The following SORT1 variants were observed in gnomAD, a reference collection of about 807,000 sequenced individuals.
SORT1 encodes sortilin 1, also known as sortilin.
Under a neutral mutation model 101.7 loss-of-function variants are expected in SORT1, and 39 were observed. The observed-to-expected ratio is 0.38, with a 90% CI of 0.30 to 0.50. The LOEUF (loss-of-function observed/expected upper bound fraction) is 0.50, where lower values mean the gene tolerates loss of function less well. Ranked by LOEUF, SORT1 falls within the 20% of genes least tolerant of loss-of-function variation. SORT1 has a pLI of 0.90. For missense variants in SORT1, 878 were observed against 1,040.4 expected (o/e 0.84, Z 2.15); for synonymous variants, 396 against 393.7 (o/e 1.01, Z -0.07).
chr1:109,379,792 G>C (rs936008827), intron 1 of SORT1, among the ~76,000 whole-genome samples: 13 of 152,108 alleles, frequency 8.5e-5, no homozygotes, highest in Non-Finnish European at 1.9e-4. Flanking sequence ...AACAGATCCA[G>C]GAATGGATGA....
chr1:109,386,585 G>A (rs1419635213), intron 1 of SORT1, among the ~76,000 whole-genome samples: 3 of 152,272 alleles, frequency 2.0e-5, no homozygotes, highest in East Asian at 3.9e-4. Flanking sequence ...AGGTGTGGTG[G>A]CTCACACCTA....
chr1:109,357,348 T>C (rs1650390500), intron 3 of SORT1, among the ~76,000 whole-genome samples: 1 of 152,232 alleles, frequency 6.6e-6, no homozygotes, highest in Non-Finnish European at 1.5e-5. Context: ...ATGTAAATGA[T>C]GTTACAGGTT....
intron 15 of SORT1, among the ~76,000 whole-genome samples, chr1:109,319,043 A>G (rs540167796): frequency 2.1e-4 from 32 of 152,238 alleles, no homozygotes; most frequent in African/African-American, 7.7e-4. Flanking sequence ...CTCCCGAAGT[A>G]TTGGGATTAC....
intron 3 of SORT1, among the ~76,000 whole-genome samples, chr1:109,363,644 T>C (rs1650889220): frequency 6.6e-6 from 1 of 152,216 alleles, no homozygotes; most frequent in African/African-American, 2.4e-5. Context: ...CATGCTGTAA[T>C]ACACAGAGCA....
Position 109,355,643 on chromosome 1 carries a change from C to CCCCG in SORT1, c.441-175_441-174insCGGG, listed in dbSNP as rs1436144494. 3.4e-5 allele frequency among the ~76,000 whole-genome samples: 2 copies of CCCCG among 58,242 alleles called. 1 individual carries two copies. Among genetic ancestry groups the CCCCG allele is most frequent in the Non-Finnish European group, 7.2e-5 (2 of 27,710 alleles). The allele number at this position is 58,242 out of a possible 152,430, so 38.2% of individuals were successfully genotyped here. On this transcript the variant is annotated intron_variant, in intron 3 of 19. Transcript: ENST00000256637. ...CTGGTGAGTCCGAAGAACATTCCAC[C>CCCCG]CGCCCCCCCCCCCACAAACCCACTC...
chr1:109,326,994 A>C lies in SORT1; in HGVS notation c.1641T>G (p.Ile547Met), dbSNP rs1278304365. Reference sequence around the variant, plus strand: ...GTGTGAGATGAGTTCATGCATACTTAATCACATTGATAGGACGGCTGCTGT... The same window carrying C: ...GTGTGAGATGAGTTCATGCATACTTCATCACATTGATAGGACGGCTGCTGT... ...IEHSSRPINV[I>M]KFSTDEGQCW... The change falls in exon 13 of 20, where the codon ATT becomes ATG. Residue 547 changes from isoleucine (I) to methionine (M), a missense_variant and splice_region_variant. By Grantham distance (10) the Ile-to-Met change is conservative (BLOSUM62 1). Around this residue, in one of 2 missense-constraint regions of SORT1, gnomAD observed 684 missense variants for 894.5 expected, o/e 0.76. Coordinates refer to ENST00000256637, the MANE Select transcript of SORT1 (RefSeq NM_002959.7). 3 of 1,610,474 alleles carry C rather than the reference A, an allele frequency of 1.9e-6. No individual in the cohort carries two copies. The highest frequency in any genetic ancestry group is 1.1e-5 in the South Asian group (1 of 90,822).
chr1:109,374,321 C>T (rs546973264), intron 1 of SORT1, among the ~76,000 whole-genome samples: 20 of 151,990 alleles, frequency 1.3e-4, no homozygotes, highest in African/African-American at 4.8e-4. Context: ...GCCTATAATC[C>T]CAGCATTTTG....
At position 109,367,382 on chromosome 1, in the gene SORT1, G is replaced by A. The variant is rs201581828; in HGVS notation, c.440+26C>T. The A allele has an allele frequency of 8.2e-5, 110 of 1,341,058 alleles. No individual in the cohort carries two copies. The African/African-American group carries it at 1.3e-3, about 15-fold the overall frequency. 83.1% of individuals were successfully genotyped at this position (1,341,058 alleles called of 1,614,324 possible). A position where few individuals can be genotyped will look rare whatever the true frequency, so the allele number is the denominator to read the frequency against. On this transcript the variant is annotated intron_variant, in intron 3 of 19. Coordinates refer to ENST00000256637, the MANE Select transcript of SORT1 (RefSeq NM_002959.7). Reference sequence around the variant, plus strand: ...TATTCTCAATGTTACTTAGTGAAATGCTCCAACGCGTGTTATTGATCTCAC... The same window carrying A: ...TATTCTCAATGTTACTTAGTGAAATACTCCAACGCGTGTTATTGATCTCAC...
chr1:109,364,707 G>A (rs1284437691), intron 3 of SORT1, among the ~76,000 whole-genome samples: 5 of 152,192 alleles, frequency 3.3e-5, no homozygotes, highest in African/African-American at 1.2e-4. Context: ...GGAGGCATCT[G>A]GGGGCAGGCA....
chr1:109,360,471 T>C (rs897404507), intron 3 of SORT1, among the ~76,000 whole-genome samples: 6 of 151,842 alleles, frequency 4.0e-5, no homozygotes, highest in African/African-American at 7.2e-5. Context: ...TAGCTAGGAC[T>C]ACAGTCATGT....
intron 17 of SORT1, among the ~76,000 whole-genome samples, chr1:109,315,770 T>TTA (rs1450036458): frequency 6.8e-6 from 1 of 148,146 alleles, no homozygotes; most frequent in Non-Finnish European, 1.5e-5. Flanking sequence ...TTTTTTTTTT[T>TTA]AAATTGAGAC....
intron 14 of SORT1, among the ~76,000 whole-genome samples, chr1:109,323,590 A>C (rs113629278): frequency 1.5e-3 from 222 of 152,364 alleles, no homozygotes; most frequent in African/African-American, 5.0e-3. Context: ...TGGCTTAAGG[A>C]AGAAGGGAAA....
At chr1:109,337,489 C>T (rs190172030) in intron 10 of SORT1, among the ~76,000 whole-genome samples, 3 of 152,176 alleles carry the variant, frequency 2.0e-5, no homozygotes, top group African/African-American at 4.8e-5. Context: ...GTGATTCACC[C>T]GCCTCAGCCT....
In SORT1 at chr1:109,350,997, G is replaced by A; in HGVS notation, c.714C>T (p.Gly238=). The change falls in exon 6 of 20, where the codon GGC becomes GGT. Residue 238 remains glycine, a synonymous_variant. Transcript: ENST00000256637. ...CCCCAAAATTCTTGGACACCCACAG[G>A]CCATTCTGAAAGATTATAAATGACT... is the stretch of plus-strand genomic sequence containing the variant. The part of the protein sequence containing the change: ...DYLLALSTEN[G]LWVSKNFGGK... The A allele has an allele frequency of 6.2e-7, 1 of 1,605,366 alleles. No individual in the cohort carries two copies. Among genetic ancestry groups the A allele is most frequent in the Non-Finnish European group, 8.5e-7 (1 of 1,171,990 alleles).
chr1:109,312,504 C>G lies in SORT1; in HGVS notation c.*1539G>C, dbSNP rs1476273982. 4 of 77,192 alleles carry G rather than the reference C, an allele frequency of 5.2e-5. No homozygotes were observed. The highest frequency in any genetic ancestry group is 1.1e-4 in the Non-Finnish European group (4 of 36,430). The allele number at this position is 77,192 out of a possible 1,614,324, so 4.8% of individuals were successfully genotyped here. On this transcript the variant is annotated 3_prime_UTR_variant, in exon 20 of 20. Transcript: ENST00000256637. ...CACATTCTGACTAAAGTTAATTTGG[C>G]ACTTCAAATAAAAAAAAAAAAAAAC...
At chr1:109,360,397 A>G (rs1016585981) in intron 3 of SORT1, among the ~76,000 whole-genome samples, 2 of 151,972 alleles carry the variant, frequency 1.3e-5, no homozygotes, top group African/African-American at 4.8e-5. Flanking sequence ...CAATGATGAG[A>G]TCATAGCTCA....
intron 1 of SORT1, among the ~76,000 whole-genome samples, chr1:109,370,253 T>C (rs1009000506): frequency 4.6e-5 from 7 of 152,274 alleles, no homozygotes; most frequent in Admixed American, 3.9e-4. Context: ...GTTATAATAA[T>C]CATTGTAGGT....
Position 109,309,981 on chromosome 1 carries a change from A to C in SORT1, c.*4062T>G, listed in dbSNP as rs1178538102. ...ACCCTGAGCATTTCTGTGCACGAGG[A>C]TAAGGAGAGTATGACCAAAACCCTC... On this transcript the variant is annotated 3_prime_UTR_variant, in exon 20 of 20. Coordinates refer to ENST00000256637, the MANE Select transcript of SORT1 (RefSeq NM_002959.7). 2 of 152,652 alleles carry C rather than the reference A, an allele frequency of 1.3e-5. No individual in the cohort carries two copies. Among genetic ancestry groups the C allele is most frequent in the Admixed American group, 6.5e-5 (1 of 15,286 alleles). 9.5% of individuals were successfully genotyped at this position (152,652 alleles called of 1,614,324 possible). A position where few individuals can be genotyped will look rare whatever the true frequency, so the allele number is the denominator to read the frequency against.
chr1:109,342,860 C>T (rs1258782348), intron 8 of SORT1, among the ~76,000 whole-genome samples: 2 of 152,044 alleles, frequency 1.3e-5, no homozygotes, highest in African/African-American at 4.8e-5. Context: ...CTACTAGATA[C>T]AGTTAGCCTG....
Sources: allele counts gnomAD v4.1 joint callset (sites outside exome capture counted in the v4.1 genomes callset), GRCh38; gene constraint gnomAD v4.1.1; regional missense constraint gnomAD v4.1.1; transcripts MANE v1.5; gene names NCBI Gene and HGNC (gene_info 2026-07-23, HGNC 2026-07-21).